RANBP2: variants seen among roughly 807,000 people sequenced by gnomAD.
RANBP2 encodes the protein E3 SUMO-protein ligase RanBP2.
In RANBP2, 57 loss-of-function variants were observed where a neutral mutation model predicts 303.6. That is an observed-to-expected ratio of 0.19 (90% CI 0.15 to 0.23). The LOEUF is 0.23. Ranked by LOEUF, RANBP2 falls within the 10% of genes least tolerant of loss-of-function variation. The pLI, the probability that RANBP2 is intolerant of heterozygous loss-of-function variation, is 1.00. For missense variants in RANBP2, 3,138 were observed against 3,780.8 expected, an observed-to-expected ratio of 0.83 and a Z score of 4.46; for synonymous variants, 1,167 against 1,301.5, an observed-to-expected ratio of 0.90 and a Z score of 2.23.
the RANBP2 span, among the ~76,000 whole-genome samples, chr2:108,805,495 G>A: frequency 6.6e-6 from 1 of 152,036 alleles, no homozygotes; most frequent in South Asian, 2.1e-4. Flanking sequence ...GGAGGCTGAG[G>A]TGGGCGGATC....
At chr2:109,657,309 G>A in the RANBP2 span, among the ~76,000 whole-genome samples, 3 of 152,192 alleles carry the variant, frequency 2.0e-5, no homozygotes, top group African/African-American at 7.2e-5. Flanking sequence ...CTAGCCAGGT[G>A]TGGTGGTGTG....
At chr2:109,387,228 GA>G in the RANBP2 span, among the ~76,000 whole-genome samples, 1 of 152,174 alleles carries the variant, frequency 6.6e-6, no homozygotes, top group Non-Finnish European at 1.5e-5. Flanking sequence ...TAAATTGTGA[GA>G]ATATTCTCAT....
the RANBP2 span, among the ~76,000 whole-genome samples, chr2:108,818,766 T>TC: frequency 4.1e-4 from 62 of 152,206 alleles, no homozygotes; most frequent in Middle Eastern, 3.4e-3. Flanking sequence ...CTAGTATAAC[T>TC]CAAAATATTT....
the RANBP2 span, among the ~76,000 whole-genome samples, chr2:109,373,026 T>G: frequency 6.6e-6 from 1 of 152,202 alleles, no homozygotes; most frequent in Non-Finnish European, 1.5e-5. Context: ...TCCTCCCCTC[T>G]TCCTCAAATA....
the RANBP2 span, among the ~76,000 whole-genome samples, chr2:108,928,383 ACT>A: frequency 6.6e-6 from 1 of 151,902 alleles, no homozygotes; most frequent in East Asian, 1.9e-4. Flanking sequence ...CTCCTAGGAC[ACT>A]CTGAGTGTGC....
chr2:108,751,573 G>A lies in RANBP2; in HGVS notation c.1501G>A (p.Glu501Lys). 1.2e-6 allele frequency: 2 copies of A among 1,610,714 alleles called. No homozygotes were observed. Among genetic ancestry groups the A allele is most frequent in the Non-Finnish European group, 1.7e-6 (2 of 1,179,240 alleles). The change falls in exon 11 of 29, where the codon GAG becomes AAG. Residue 501 changes from glutamate to lysine, a missense_variant. By Grantham distance (56) the Glu-to-Lys change is moderately conservative (BLOSUM62 1). Coordinates refer to ENST00000283195, the MANE Select transcript of RANBP2 (RefSeq NM_006267.5). ...ATATACCAGCCACTTACAATTAAAGGAGAAATGTAATTCTCACCACAGCTC... is the reference window on the plus strand; with the variant it reads ...ATATACCAGCCACTTACAATTAAAGAAGAAATGTAATTCTCACCACAGCTC... ...VVYTSHLQLK[E>K]KCNSHHSSYQ... is the part of the protein sequence containing the mutation.
At chr2:109,376,426 C>T in the RANBP2 span, among the ~76,000 whole-genome samples, 1 of 152,224 alleles carries the variant, frequency 6.6e-6, no homozygotes, top group Non-Finnish European at 1.5e-5. Flanking sequence ...TCACACAGAG[C>T]CTGGGTGGGT....
the RANBP2 span, among the ~76,000 whole-genome samples, chr2:108,954,691 TC>T: frequency 1.4e-3 from 218 of 151,052 alleles, no homozygotes; most frequent in African/African-American, 4.1e-3. Flanking sequence ...TTTTTTTTTT[TC>T]TGAGACAGAG....
the RANBP2 span, among the ~76,000 whole-genome samples, chr2:109,521,059 T>C: frequency 1.7e-4 from 24 of 141,554 alleles, no homozygotes; most frequent in Non-Finnish European, 3.1e-4. Context: ...CTACTAAAAA[T>C]ACAAAAAATT....
the RANBP2 span, among the ~76,000 whole-genome samples, chr2:109,555,473 C>T: frequency 2.6e-5 from 4 of 152,160 alleles, no homozygotes; most frequent in Non-Finnish European, 5.9e-5. Flanking sequence ...CCACTCTCCC[C>T]TGTTGCAGGC....
chr2:109,734,787 G>A, the RANBP2 span, among the ~76,000 whole-genome samples: 1 of 152,164 alleles, frequency 6.6e-6, no homozygotes, highest in Admixed American at 6.5e-5. Flanking sequence ...TTGGCATAAG[G>A]ACAGACATAT....
the RANBP2 span, among the ~76,000 whole-genome samples, chr2:109,299,658 A>G: frequency 4.6e-5 from 7 of 152,142 alleles, no homozygotes; most frequent in African/African-American, 1.7e-4. Context: ...TTTGCCCTGT[A>G]CTTGCCGAAC....
the RANBP2 span, among the ~76,000 whole-genome samples, chr2:108,848,420 C>T: frequency 2.0e-5 from 3 of 151,936 alleles, no homozygotes; most frequent in South Asian, 2.1e-4. Flanking sequence ...CTGTATTAAT[C>T]GAGGGCTTTC....
chr2:109,186,785 T>G, the RANBP2 span, among the ~76,000 whole-genome samples: 1 of 152,278 alleles, frequency 6.6e-6, no homozygotes, highest in East Asian at 1.9e-4. Flanking sequence ...CTCCAGTGAA[T>G]ATCACTGCCT....
the RANBP2 span, among the ~76,000 whole-genome samples, chr2:109,621,466 T>C: frequency 6.6e-6 from 1 of 152,032 alleles, no homozygotes; most frequent in Non-Finnish European, 1.5e-5. Flanking sequence ...AACTTTATGC[T>C]ATTCTGATCA....
Position 108,767,864 on chromosome 2 carries a change from C to T in RANBP2, c.7325C>T (p.Ala2442Val), listed in dbSNP as rs199928019. ...FKKIFDEAKT[A>V]QEKDSLITPH... The stretch of plus-strand genomic sequence containing the variant: ...AAAATTTTTGATGAAGCAAAAACAG[C>T]CCAGGAAAAAGATTCTTTGATAACA... The change falls in exon 20 of 29, where the codon GCC (alanine) becomes GTC (valine). Residue 2442 changes from alanine to valine, a missense_variant. By Grantham distance (64) the Ala-to-Val change is moderately conservative. This residue lies in a region of RANBP2 where 92 missense variants were observed against 211.0 expected (regional missense o/e 0.44). Transcript: ENST00000283195. 1.2e-6 allele frequency: 2 copies of T among 1,609,788 alleles called. No homozygotes were observed. The highest frequency in any genetic ancestry group is 8.5e-7 in the Non-Finnish European group (1 of 1,179,634).
chr2:108,846,824 A>G, the RANBP2 span: 1 of 1,613,030 alleles, frequency 6.2e-7, no homozygotes, highest in Admixed American at 1.7e-5. Context: ...ATAATTCTCC[A>G]CAGCATTCTG....
the RANBP2 span, among the ~76,000 whole-genome samples, chr2:108,799,460 T>C: frequency 6.6e-6 from 1 of 152,232 alleles, no homozygotes. Context: ...GCTATCCCTT[T>C]CCTCCAGCCT....
the RANBP2 span, among the ~76,000 whole-genome samples, chr2:109,055,552 C>CTTTTTTTT: frequency 6.6e-6 from 1 of 151,230 alleles, no homozygotes; most frequent in African/African-American, 2.4e-5. Flanking sequence ...CTTTTCTTTT[C>CTTTTTTTT]TTTTTTGTAT....
Sources: allele counts gnomAD v4.1 joint callset (sites outside exome capture counted in the v4.1 genomes callset), GRCh38; gene constraint gnomAD v4.1.1; regional missense constraint gnomAD v4.1.1; transcripts MANE v1.5; gene names NCBI Gene and HGNC (gene_info 2026-07-23, HGNC 2026-07-21).